The following ADAMTS17 variants were observed in gnomAD, a reference collection of about 807,000 sequenced individuals.
ADAMTS17 encodes the protein A disintegrin and metalloproteinase with thrombospondin motifs 17.
A neutral mutation model predicts 141.5 loss-of-function variants in ADAMTS17; 113 were observed. That is an observed-to-expected ratio of 0.80 (90% CI 0.69 to 0.93). ADAMTS17 has a LOEUF of 0.93. Ranked by LOEUF, ADAMTS17 falls within the 40% of genes least tolerant of loss-of-function variation. ADAMTS17 has a pLI of 0.00. For missense variants in ADAMTS17, 1,659 were observed against 1,517.9 expected (o/e 1.09, Z -1.54); for synonymous variants, 768 against 630.6 (o/e 1.22, Z -3.27).
At chr15:100,150,496 G>A (rs1469247793) in intron 10 of ADAMTS17, among the ~76,000 whole-genome samples, 1 of 152,136 alleles carries the variant, frequency 6.6e-6, no homozygotes, top group Non-Finnish European at 1.5e-5. Flanking sequence ...TGCCTTTGGG[G>A]TTGCAGTCAG....
intron 20 of ADAMTS17, among the ~76,000 whole-genome samples, chr15:99,981,717 C>T (rs1173197946): frequency 6.6e-6 from 1 of 152,174 alleles, no homozygotes; most frequent in Non-Finnish European, 1.5e-5. Context: ...AAAAATTTAC[C>T]ATGTCATCAT....
rs923452207 is a variant in ADAMTS17, at chr15:100,199,255, G to C, written c.1181+63C>G. 58 of 1,437,640 alleles carry C rather than the reference G, an allele frequency of 4.0e-5. No individual in the cohort carries two copies. The East Asian group carries it at 5.7e-4, about 14-fold the overall frequency. The allele number at this position is 1,437,640 out of a possible 1,614,324, so 89.1% of individuals were successfully genotyped here. On this transcript the variant is annotated intron_variant, in intron 8 of 21. Transcript: ENST00000268070. ...CTGTTTTAGAACTTACAGAATTCAA[G>C]TGAAAAATCTGCACTCAAAAAGGAC...
At position 100,278,752 on chromosome 15, in the gene ADAMTS17, G is replaced by A. The variant is rs942465943; in HGVS notation, c.789+2477C>T. Among the ~76,000 whole-genome samples, 12 of 152,198 alleles carry A rather than the reference G, an allele frequency of 7.9e-5. No homozygotes were observed. In the South Asian group the frequency reaches 8.3e-4, roughly 11 times the overall value. ...TGTCCTCCTAACAAGCAGGATTGCC[G>A]TGGGGTTCCCCACACCCAGTGGGCC... On this transcript the variant is annotated intron_variant, in intron 4 of 21. Coordinates refer to ENST00000268070, the MANE Select transcript of ADAMTS17 (RefSeq NM_139057.4).
chr15:99,973,925 C>G lies in ADAMTS17; in HGVS notation c.*477G>C, dbSNP rs1031471793. On this transcript the variant is annotated 3_prime_UTR_variant, in exon 22 of 22. Transcript: ENST00000268070. Reference sequence around the variant, plus strand: ...CGTGTGCTAAGCAGCCCGGCCCTCCCCAGAGAAGCCACGGGCAGAGGCTCA... The same window carrying G: ...CGTGTGCTAAGCAGCCCGGCCCTCCGCAGAGAAGCCACGGGCAGAGGCTCA... 5 of 239,082 alleles carry G rather than the reference C, an allele frequency of 2.1e-5. No individual in the cohort carries two copies. Among genetic ancestry groups the G allele is most frequent in the African/African-American group, 1.2e-4 (5 of 43,296 alleles). 14.8% of individuals were successfully genotyped at this position (239,082 alleles called of 1,614,324 possible).
At chr15:100,208,489 T>G (rs1025486747) in intron 7 of ADAMTS17, among the ~76,000 whole-genome samples, 2 of 152,248 alleles carry the variant, frequency 1.3e-5, no homozygotes, top group South Asian at 2.1e-4. Flanking sequence ...ACAAGGATGT[T>G]TGCCTTATAA....
chr15:100,276,970 C>T (rs1184935641), intron 4 of ADAMTS17, among the ~76,000 whole-genome samples: 1 of 152,086 alleles, frequency 6.6e-6, no homozygotes, highest in African/African-American at 2.4e-5. Context: ...TTTCAATTTA[C>T]TTAATGGTGG....
chr15:100,271,817 C>G (rs1374615359), intron 4 of ADAMTS17, among the ~76,000 whole-genome samples: 8 of 152,148 alleles, frequency 5.3e-5, no homozygotes, highest in Non-Finnish European at 1.0e-4. Context: ...AATCAAATCT[C>G]ACAAAACTTT....
chr15:99,997,256 G>T lies in ADAMTS17; in HGVS notation c.2796+129C>A. On this transcript the variant is annotated intron_variant, in intron 19 of 21. Transcript: ENST00000268070. This position sits in a 1 kb window ranked among gnomAD's most constrained non-coding sequence, Gnocchi z 4.7. ...TCTGAGATGGAAATTAAGAACACAT[G>T]AGCTATAACACAACTTCAAGCTGAC... 2 of 990,208 alleles carry T rather than the reference G, an allele frequency of 2.0e-6. No homozygotes were observed. The highest frequency in any genetic ancestry group is 3.2e-6 in the Non-Finnish European group (2 of 629,514). 61.3% of individuals were successfully genotyped at this position (990,208 alleles called of 1,614,324 possible).
At chr15:100,116,131 G>GAAAAAAAAAAAAA (rs2037100483) in intron 13 of ADAMTS17, among the ~76,000 whole-genome samples, 1 of 80,076 alleles carries the variant, frequency 1.2e-5, no homozygotes, top group African/African-American at 8.1e-5. Context: ...ACAGTTTTAG[G>GAAAAAAAAAAAAA]TAAAAAAAAA....
At chr15:100,219,421 T>A (rs1008519808) in intron 7 of ADAMTS17, among the ~76,000 whole-genome samples, 6 of 152,208 alleles carry the variant, frequency 3.9e-5, no homozygotes, top group Non-Finnish European at 8.8e-5. Flanking sequence ...AAAAGCAATG[T>A]TTTTTCCTAC....
chr15:100,192,050 A>G (rs192471778), intron 8 of ADAMTS17, among the ~76,000 whole-genome samples: 1 of 152,348 alleles, frequency 6.6e-6, no homozygotes, highest in East Asian at 1.9e-4. Context: ...AAAAATAAAT[A>G]TAAATACATA....
At chr15:100,076,087 G>T (rs10468189) in intron 15 of ADAMTS17, among the ~76,000 whole-genome samples, 5,938 of 151,732 alleles carry the variant, frequency 0.039, 413 homozygotes, top group African/African-American at 0.14. Context: ...CTGTTGCCTA[G>T]GCTGGAGCAC....
intron 18 of ADAMTS17, among the ~76,000 whole-genome samples, chr15:100,023,086 GCTGCCATT>G (rs1234068524): frequency 4.6e-5 from 7 of 152,192 alleles, no homozygotes; most frequent in Admixed American, 6.5e-5. Flanking sequence ...AGACTGGCTG[GCTGCCATT>G]CTGCCTTCAA....
At position 100,217,491 on chromosome 15, in the gene ADAMTS17, C is replaced by T. The variant is rs533867409; in HGVS notation, c.1076-18068G>A. On this transcript the variant is annotated intron_variant, in intron 7 of 21. Transcript: ENST00000268070. Reference sequence around the variant, plus strand: ...GTGGGTGCCTATATTCCCAGCTACTCGGGAGGCTGAGGCAGGAGAATCGCT... The same window carrying T: ...GTGGGTGCCTATATTCCCAGCTACTTGGGAGGCTGAGGCAGGAGAATCGCT... Among the ~76,000 whole-genome samples the T allele has an allele frequency of 2.1e-4, 32 of 152,150 alleles. No individual in the cohort carries two copies. In the South Asian group the frequency reaches 3.5e-3, roughly 17 times the overall value.
intron 10 of ADAMTS17, 65 bp downstream of exon 10, chr15:100,152,547 C>T: frequency 1.9e-6 from 3 of 1,604,206 alleles, no homozygotes; most frequent in Non-Finnish European, 2.5e-6. Context: ...CAGCAGAAGC[C>T]AGACCTGCTG....
At chr15:100,267,911 T>C (rs1214770855) in intron 4 of ADAMTS17, among the ~76,000 whole-genome samples, 1 of 152,254 alleles carries the variant, frequency 6.6e-6, no homozygotes, top group East Asian at 1.9e-4. Flanking sequence ...TTTTAAAATA[T>C]ACAATTACTG....
At chr15:100,075,407 A>G (rs2034298547) in intron 15 of ADAMTS17, among the ~76,000 whole-genome samples, 1 of 152,226 alleles carries the variant, frequency 6.6e-6, no homozygotes, top group African/African-American at 2.4e-5. Flanking sequence ...TGTACAGCAA[A>G]AAATAACTGT....
intron 8 of ADAMTS17, among the ~76,000 whole-genome samples, chr15:100,161,178 G>C (rs546285007): frequency 3.9e-5 from 6 of 152,226 alleles, no homozygotes; most frequent in African/African-American, 1.4e-4. Flanking sequence ...TGTTTTGGGA[G>C]ACACAAAGCA....
At chr15:100,012,382 GTTTAA>G (rs1358017079) in intron 18 of ADAMTS17, among the ~76,000 whole-genome samples, 1 of 152,124 alleles carries the variant, frequency 6.6e-6, no homozygotes, top group Non-Finnish European at 1.5e-5. Context: ...AAGCTCTTTA[GTTTAA>G]TTAAGTCCCA....
Sources: gnomAD v4.1 joint callset for allele counts (sites outside exome capture counted in the v4.1 genomes callset) on GRCh38, gnomAD v4.1.1 for gene constraint, Gnocchi (gnomAD v3.1) non-coding constraint, MANE v1.5 for transcripts, NCBI Gene and HGNC (gene_info 2026-07-23, HGNC 2026-07-21) for gene names.